The following ZNF536 variants were observed in gnomAD, a reference collection of about 807,000 sequenced individuals.
ZNF536 encodes the protein zinc finger protein 536.
Under a neutral mutation model 84.5 loss-of-function variants are expected in ZNF536, and 13 were observed. That is an observed-to-expected ratio of 0.15 (90% CI 0.10 to 0.24). The LOEUF (loss-of-function observed/expected upper bound fraction) is 0.24. Among genes scored for constraint, ZNF536 ranks in the 10% least tolerant of loss-of-function variants. ZNF536 has a pLI of 1.00. For missense variants in ZNF536, 1,536 were observed against 1,747.5 expected, an observed-to-expected ratio of 0.88 and a Z score of 2.16; for synonymous variants, 811 against 742.5, an observed-to-expected ratio of 1.09 and a Z score of -1.50.
chr19:30,537,411 T>G (rs1374286513), intron 3 of ZNF536, among the ~76,000 whole-genome samples: 1 of 152,166 alleles, frequency 6.6e-6, no homozygotes, highest in African/African-American at 2.4e-5. Context: ...AGGCTAGGCA[T>G]GTCTTGTCTT....
chr19:30,548,789 T>C lies in ZNF536; in HGVS notation c.3170T>C (p.Leu1057Ser), dbSNP rs2146218092. Residue 1057 changes from leucine to serine, a missense_variant, in exon 4 of 5, where the codon TTA becomes TCA. Around this residue, in one of 8 missense-constraint regions of ZNF536, gnomAD observed 624 missense variants for 603.1 expected, o/e 1.03. Transcript: ENST00000355537. ...AGTAAGATGGCCCTGCTGCCCTCGT[T>C]ACAATCAAACAAAGACCTGGGCCTC... ...EASKMALLPS[L>S]QSNKDLGLSN... 6.2e-7 allele frequency: 1 copy of C among 1,613,848 alleles called. No homozygotes were observed. Among genetic ancestry groups the C allele is most frequent in the East Asian group, 2.2e-5 (1 of 44,852 alleles).
intron 2 of ZNF536, among the ~76,000 whole-genome samples, chr19:30,460,274 C>T (rs1452687665): frequency 6.6e-6 from 1 of 152,138 alleles, no homozygotes; most frequent in East Asian, 1.9e-4. Context: ...TCATCCATCC[C>T]GTGGCCGAAT....
intron 1 of ZNF536, among the ~76,000 whole-genome samples, chr19:30,707,051 G>A (rs2052267980): frequency 6.6e-6 from 1 of 152,098 alleles, no homozygotes; most frequent in South Asian, 2.1e-4. Context: ...AGAGTAGCTC[G>A]AACTCTCTCT....
chr19:30,298,403 T>C (rs1211209374), intron 2 of ZNF536, among the ~76,000 whole-genome samples: 1 of 152,212 alleles, frequency 6.6e-6, no homozygotes, highest in African/African-American at 2.4e-5. Context: ...TGTCTTTGCT[T>C]TGCCATACAG....
chr19:30,246,736 C>T (rs994195932), intron 1 of ZNF536, among the ~76,000 whole-genome samples: 1 of 152,200 alleles, frequency 6.6e-6, no homozygotes, highest in East Asian at 1.9e-4. Flanking sequence ...CATTTATAGA[C>T]CTCTTGGGCT....
chr19:30,409,248 G>T (rs2050387517), intron 1 of ZNF536, among the ~76,000 whole-genome samples: 1 of 152,156 alleles, frequency 6.6e-6, no homozygotes, highest in Non-Finnish European at 1.5e-5. Context: ...ATAAATGAAT[G>T]AATAAATAAA....
At position 30,307,631 on chromosome 19, in the gene ZNF536, A is replaced by G. The variant is rs916485212; in HGVS notation, c.-120+23490A>G. 1.4e-4 allele frequency among the ~76,000 whole-genome samples: 21 copies of G among 151,952 alleles called. 1 individual carries two copies. Among genetic ancestry groups the G allele is most frequent in the Admixed American group, 1.3e-4 (2 of 15,250 alleles). On this transcript the variant is annotated intron_variant, in intron 2 of 5. Coordinates refer to the ZNF536 transcript ENST00000585628. ...TCTCCTGATACGTCCCTCCTGCTTC[A>G]TAACATTCTCAGTGGGCTGTGATTG...
intron 1 of ZNF536, among the ~76,000 whole-genome samples, chr19:30,282,366 G>A (rs550553946): frequency 6.6e-6 from 1 of 152,158 alleles, no homozygotes; most frequent in Non-Finnish European, 1.5e-5. Context: ...TCATGATTTA[G>A]AGCATAGAAC....
chr19:30,387,461 G>A (rs1278495937), intron 1 of ZNF536, among the ~76,000 whole-genome samples: 2 of 152,240 alleles, frequency 1.3e-5, no homozygotes, highest in African/African-American at 4.8e-5. Context: ...GGTTGACGGC[G>A]GTGAGGGACC....
intron 1 of ZNF536, among the ~76,000 whole-genome samples, chr19:30,246,081 A>T (rs1048034928): frequency 9.2e-5 from 14 of 152,188 alleles, no homozygotes; most frequent in African/African-American, 3.4e-4. Context: ...CTGATTGGTG[A>T]GCCGCTCATC....
Position 30,382,905 on chromosome 19 carries a change from T to C in ZNF536, c.-3+10349T>C, listed in dbSNP as rs148593754. Among the ~76,000 whole-genome samples the C allele has an allele frequency of 4.4e-3, 677 of 152,350 alleles. 14 individuals carry two copies. The highest frequency in any genetic ancestry group is 0.016 in the African/African-American group (659 of 41,582). ...CATAAACCAGGGAGCTACTCTTCTT[T>C]GTGCAAAAGAATTTCCCATAGAAAT... On this transcript the variant is annotated intron_variant, in intron 1 of 4. Coordinates refer to ENST00000355537, the MANE Select transcript of ZNF536 (RefSeq NM_014717.3).
At chr19:30,629,264 T>A (rs2147220390) in intron 1 of ZNF536, among the ~76,000 whole-genome samples, 1 of 152,336 alleles carries the variant, frequency 6.6e-6, no homozygotes, top group South Asian at 2.1e-4. Context: ...AGTGGCATGA[T>A]CACGGCTTAC....
chr19:30,481,720 T>C (rs1459822463), intron 2 of ZNF536, among the ~76,000 whole-genome samples: 2 of 152,312 alleles, frequency 1.3e-5, no homozygotes, highest in Non-Finnish European at 2.9e-5. Flanking sequence ...TGGCTTTTGG[T>C]AACATGGGTA....
chr19:30,391,179 G>A (rs1312988248), intron 1 of ZNF536, among the ~76,000 whole-genome samples: 1 of 152,188 alleles, frequency 6.6e-6, no homozygotes, highest in African/African-American at 2.4e-5. Context: ...TTGTCCCTGA[G>A]GAATTCCAAA....
At chr19:30,646,680 C>T (rs932007341) in intron 1 of ZNF536, among the ~76,000 whole-genome samples, 4 of 152,180 alleles carry the variant, frequency 2.6e-5, no homozygotes, top group Non-Finnish European at 5.9e-5. Flanking sequence ...CTCTGCCCCC[C>T]TTTTGGTCGC....
At chr19:30,453,487 G>A (rs904526900) in intron 2 of ZNF536, among the ~76,000 whole-genome samples, 2 of 152,220 alleles carry the variant, frequency 1.3e-5, no homozygotes, top group African/African-American at 4.8e-5. Flanking sequence ...GGCGCCAGCC[G>A]GGATTGGTCA....
chr19:30,660,121 C>T (rs1259151608), intron 1 of ZNF536, among the ~76,000 whole-genome samples: 1 of 152,258 alleles, frequency 6.6e-6, no homozygotes, highest in East Asian at 1.9e-4. Context: ...TTTGCCTATT[C>T]GTGGAGAAAC....
At chr19:30,469,084 T>A (rs2053529392) in intron 2 of ZNF536, among the ~76,000 whole-genome samples, 1 of 151,996 alleles carries the variant, frequency 6.6e-6, no homozygotes, top group South Asian at 2.1e-4. Context: ...TGCAACATGG[T>A]GCTGTTGACC....
At chr19:30,606,291 T>TA (rs112144534) in intron 1 of ZNF536, among the ~76,000 whole-genome samples, 22,269 of 50,936 alleles carry the variant, frequency 0.44, 4,181 homozygotes, top group East Asian at 0.49. Context: ...TAAAATAAAA[T>TA]AAATAAAATA....
Sources: allele counts gnomAD v4.1 joint callset (sites outside exome capture counted in the v4.1 genomes callset), GRCh38; gene constraint gnomAD v4.1.1; regional missense constraint gnomAD v4.1.1; transcripts MANE v1.5; gene names NCBI Gene and HGNC (gene_info 2026-07-23, HGNC 2026-07-21).